Variants in RCN2 observed in about 807,000 individuals in gnomAD.
RCN2 encodes reticulocalbin-2.
RCN2 carries 23 observed loss-of-function variants against 37.5 expected under a neutral mutation model. The observed-to-expected ratio is 0.61, with a 90% confidence interval of 0.44 to 0.87. RCN2 has a LOEUF of 0.87. Ranked by LOEUF, RCN2 falls within the 40% of genes least tolerant of loss-of-function variation. RCN2 has a pLI of 0.00. For synonymous variants in RCN2, 140 were observed against 144.6 expected (o/e 0.97, Z 0.23); for missense variants, 381 against 390.4 (o/e 0.98, Z 0.20).
intron 3 of RCN2, among the ~76,000 whole-genome samples, chr15:76,940,212 C>T (rs2075271189): frequency 6.6e-6 from 1 of 151,142 alleles, no homozygotes; most frequent in African/African-American, 2.4e-5. Flanking sequence ...TATGTGTAGT[C>T]CCAGCTGCTC....
rs1596008710 is a variant in RCN2 at position 76,950,951 on chromosome 15, G to T, written c.*1729G>T. The T allele has an allele frequency of 6.6e-6, 1 of 152,286 alleles. No individual in the cohort carries two copies. Among genetic ancestry groups the T allele is most frequent in the Admixed American group, 6.5e-5 (1 of 15,308 alleles). The allele number at this position is 152,286 out of a possible 1,614,324, so 9.4% of individuals were successfully genotyped here. The stretch of plus-strand genomic sequence containing the variant: ...CACACCTTAATGACTGCTTGCTTGG[G>T]TATCTACATGGTTTTCATTTTAACC... On this transcript the variant is annotated 3_prime_UTR_variant, in exon 7 of 7. Coordinates refer to ENST00000394885, the MANE Select transcript of RCN2 (RefSeq NM_002902.3).
chr15:76,949,124 G>A lies in RCN2; in HGVS notation c.856G>A (p.Glu286Lys), dbSNP rs2075308345. Residue 286 changes from glutamate to lysine, a missense_variant, in exon 7 of 7, where the codon GAA becomes AAA. Physicochemically the swap from Glu to Lys is moderately conservative, Grantham distance 56. Transcript: ENST00000394885. ...DLNGDKKLSE[E>K]EILENPDLFL... ...GAATGGTGACAAAAAGCTCTCTGAA[G>A]AAGAGATTCTGGAAAACCCGGACTT... The A allele has an allele frequency of 6.2e-7, 1 of 1,613,018 alleles. No homozygotes were observed. The highest frequency in any genetic ancestry group is 1.3e-5 in the African/African-American group (1 of 74,870).
intron 3 of RCN2, among the ~76,000 whole-genome samples, chr15:76,936,876 A>C (rs2075252160): frequency 6.6e-6 from 1 of 152,068 alleles, no homozygotes; most frequent in Admixed American, 6.6e-5. Flanking sequence ...TGTGCAACCA[A>C]TCTCCCCGAC....
intron 2 of RCN2, among the ~76,000 whole-genome samples, chr15:76,935,175 T>C (rs1028127175): frequency 6.6e-6 from 1 of 152,046 alleles, no homozygotes; most frequent in Non-Finnish European, 1.5e-5. Context: ...ATACAAAAAA[T>C]TAGCCGGGTG....
At chr15:76,936,874 C>G (rs2075252144) in intron 3 of RCN2, among the ~76,000 whole-genome samples, 1 of 152,060 alleles carries the variant, frequency 6.6e-6, no homozygotes, top group African/African-American at 2.4e-5. Flanking sequence ...GTTGTGCAAC[C>G]AATCTCCCCG....
At position 76,951,433 on chromosome 15, in the gene RCN2, G is replaced by A. The variant is rs2075320178; in HGVS notation, c.*2211G>A. 6.6e-6 allele frequency: 1 copy of A among 152,068 alleles called. No homozygotes were observed. The highest frequency in any genetic ancestry group is 2.4e-5 in the African/African-American group (1 of 41,394). 9.4% of individuals were successfully genotyped at this position (152,068 alleles called of 1,614,324 possible). A position where few individuals can be genotyped will look rare whatever the true frequency, so the allele number is the denominator to read the frequency against. On this transcript the variant is annotated 3_prime_UTR_variant, in exon 7 of 7. Transcript: ENST00000394885. Reference sequence around the variant, plus strand: ...TGTAGGTCAGCTGGATCCACAGTGGGCTTTGTATGATCAAAAAATAAGCTT... The same window carrying A: ...TGTAGGTCAGCTGGATCCACAGTGGACTTTGTATGATCAAAAAATAAGCTT...
In RCN2 at chr15:76,938,964, G is replaced by A. The variant is rs115316081; in HGVS notation, c.447+3242G>A. ...GGAGAATCACTTGAGCCCAGAGTTC[G>A]AGAACAACTGGGCAATGTGGCAAGA... On this transcript the variant is annotated intron_variant, in intron 3 of 6. Coordinates refer to ENST00000394885, the MANE Select transcript of RCN2 (RefSeq NM_002902.3). 5.1e-3 allele frequency: 1,768 copies of A among 343,858 alleles called. 29 individuals are homozygous for A. Among genetic ancestry groups the A allele is most frequent in the African/African-American group, 0.036 (1,686 of 47,026 alleles). 21.3% of individuals were successfully genotyped at this position (343,858 alleles called of 1,614,324 possible).
rs749533283 is a variant in RCN2 at position 76,943,875 on chromosome 15, A to G, written c.561+4A>G. 6.7e-6 allele frequency: 10 copies of G among 1,499,210 alleles called. No homozygotes were observed. Among genetic ancestry groups the G allele is most frequent in the Non-Finnish European group, 9.2e-6 (10 of 1,086,150 alleles). 92.9% of individuals were successfully genotyped at this position (1,499,210 alleles called of 1,614,324 possible). ...TGAAGAAGTTGATTATATGACGGTA[A>G]GAAAGAAACATTTTTAAGAGAATTA... On this transcript the variant is annotated splice_donor_region_variant and intron_variant, in intron 4 of 6. Transcript: ENST00000394885.
Position 76,949,081 on chromosome 15 carries a change from A to G in RCN2, c.813A>G (p.Leu271=), listed in dbSNP as rs1303562225. The change falls in exon 7 of 7, where the codon CTA becomes CTG. Residue 271 remains leucine, a synonymous_variant. Transcript: ENST00000394885. ...QGIAQEEALH[L]IDEMDLNGDK... ...GTTTTATTTTGAAGGCGCTTCATCT[A>G]ATTGATGAAATGGATTTGAATGGTG... 2 of 1,597,418 alleles carry G rather than the reference A, an allele frequency of 1.3e-6. No individual in the cohort carries two copies. Among genetic ancestry groups the G allele is most frequent in the East Asian group, 2.2e-5 (1 of 44,662 alleles).
chr15:76,934,348 A>G (rs1475517276), intron 2 of RCN2, among the ~76,000 whole-genome samples: 2 of 151,914 alleles, frequency 1.3e-5, no homozygotes, highest in African/African-American at 4.8e-5. Flanking sequence ...TTTACCCGAG[A>G]CCAGGCTGGT....
rs2075313394 is a variant in RCN2 at position 76,950,076 on chromosome 15, A to G, written c.*854A>G. On this transcript the variant is annotated 3_prime_UTR_variant, in exon 7 of 7. Transcript: ENST00000394885. ...TTTTTTTAAATAAGAGAATCATGTTATAATATAATTGAATGTGCACCTGAC... is the reference window on the plus strand; with the variant it reads ...TTTTTTTAAATAAGAGAATCATGTTGTAATATAATTGAATGTGCACCTGAC... 1 of 152,122 alleles carries G rather than the reference A, an allele frequency of 6.6e-6. No individual in the cohort carries two copies. The highest frequency in any genetic ancestry group is 2.1e-4 in the South Asian group (1 of 4,824). 9.4% of individuals were successfully genotyped at this position (152,122 alleles called of 1,614,324 possible).
intron 3 of RCN2, among the ~76,000 whole-genome samples, chr15:76,936,547 G>C (rs1163463915): frequency 6.6e-6 from 1 of 152,142 alleles, no homozygotes; most frequent in Non-Finnish European, 1.5e-5. Context: ...GATCTGATAG[G>C]AGGCAGAGCA....
intron 2 of RCN2, 39 bp downstream of exon 2, chr15:76,932,505 A>C: frequency 7.3e-7 from 1 of 1,366,296 alleles, no homozygotes; most frequent in Non-Finnish European, 1.0e-6. Flanking sequence ...GGAGACAAAC[A>C]CAAATATGTT....
chr15:76,939,969 A>C (rs1469588811), intron 3 of RCN2, among the ~76,000 whole-genome samples: 1 of 152,178 alleles, frequency 6.6e-6, no homozygotes, highest in East Asian at 1.9e-4. Context: ...GTCTGGTTCT[A>C]ATTCTGTGTT....
intron 2 of RCN2, among the ~76,000 whole-genome samples, chr15:76,934,304 C>T (rs894721963): frequency 8.6e-5 from 13 of 151,986 alleles, no homozygotes; most frequent in Non-Finnish European, 1.3e-4. Context: ...CCACCATGCC[C>T]GGCTAATTTT....
chr15:76,935,495 A>G (rs750598324), intron 2 of RCN2, 31 bp from the exon 3 acceptor site: 1 of 1,542,756 alleles, frequency 6.5e-7, no homozygotes, highest in South Asian at 1.1e-5. Context: ...AATTAACGTC[A>G]CATGCGTTGT....
Position 76,943,756 on chromosome 15 carries a change from A to T in RCN2, c.448-2A>T. 6.4e-7 allele frequency: 1 copy of T among 1,552,532 alleles called. No homozygotes were observed. Among genetic ancestry groups the T allele is most frequent in the Non-Finnish European group, 8.8e-7 (1 of 1,131,718 alleles). On this transcript the variant is annotated splice_acceptor_variant, in intron 3 of 6. Coordinates refer to ENST00000394885, the MANE Select transcript of RCN2 (RefSeq NM_002902.3). LOFTEE classifies it high-confidence loss of function. ...ACTAATGAGAAATTTTAATTTTCAA[A>T]GCTTCACTTAAAGGACAAGAAGCGA...
At chr15:76,941,594 T>C in intron 3 of RCN2, 1 of 1,138,754 alleles carries the variant, frequency 8.8e-7, no homozygotes, top group Non-Finnish European at 1.2e-6. Context: ...AAAAGAGTGT[T>C]GAAGTTTTAT....
At chr15:76,942,038 A>T (rs189463323) in intron 3 of RCN2, 1 of 169,890 alleles carries the variant, frequency 5.9e-6, no homozygotes, top group Admixed American at 6.3e-5. Flanking sequence ...GTTATTTAAA[A>T]TTTTGAAACA....
Sources: gnomAD v4.1 joint callset for allele counts (sites outside exome capture counted in the v4.1 genomes callset) on GRCh38, gnomAD v4.1.1 for gene constraint, MANE v1.5 for transcripts, NCBI Gene and HGNC (gene_info 2026-07-23, HGNC 2026-07-21) for gene names.